The following KCNJ6 variants were observed in gnomAD, a reference collection of about 807,000 sequenced individuals.
The protein encoded by KCNJ6 is G protein-activated inward rectifier potassium channel 2.
KCNJ6 carries 9 observed loss-of-function variants against 34.2 expected under a neutral mutation model. The ratio of observed to expected loss-of-function variants is 0.26; its 90% CI spans 0.16 to 0.46. KCNJ6 has a LOEUF of 0.46. KCNJ6 is among the 20% of genes least tolerant of loss of function. The pLI is 1.00. For synonymous variants in KCNJ6, 196 were observed against 207.1 expected, an observed-to-expected ratio of 0.95 and a Z score of 0.46; for missense variants, 236 against 531.3, an observed-to-expected ratio of 0.44 and a Z score of 5.46.
At chr21:37,627,169 AG>A (rs1310865439) in intron 3 of KCNJ6, among the ~76,000 whole-genome samples, 1 of 152,222 alleles carries the variant, frequency 6.6e-6, no homozygotes, top group Non-Finnish European at 1.5e-5. Flanking sequence ...CTGGGGTGCC[AG>A]GGACCTATGT....
chr21:37,641,138 C>G (rs1325861785), intron 3 of KCNJ6, among the ~76,000 whole-genome samples: 1 of 152,170 alleles, frequency 6.6e-6, no homozygotes, highest in Non-Finnish European at 1.5e-5. Context: ...TTGTAACTGT[C>G]AATACTTGTC....
Position 37,695,232 on chromosome 21 carries a change from G to T in KCNJ6, c.946+18979C>A, listed in dbSNP as rs2123431776. Among the ~76,000 whole-genome samples the T allele has an allele frequency of 6.6e-6, 1 of 152,302 alleles. No individual in the cohort carries two copies. The highest frequency in any genetic ancestry group is 6.5e-5 in the Admixed American group (1 of 15,298). ...CAGGCATTGTTGCAACCACAAGGGA[G>T]ACCTGGCTTGTTACAGAACTTAACA... On this transcript the variant is annotated intron_variant, in intron 3 of 3. Transcript: ENST00000609713. The surrounding 1 kb of genome is among the most constrained non-coding windows in gnomAD (Gnocchi z 4.2).
intron 3 of KCNJ6, among the ~76,000 whole-genome samples, chr21:37,649,993 G>C (rs1389277982): frequency 6.6e-6 from 1 of 150,628 alleles, no homozygotes; most frequent in Non-Finnish European, 1.5e-5. Context: ...TCCATCTCCT[G>C]ACCTTGTGAT....
chr21:37,892,757 A>T (rs952031859), intron 1 of KCNJ6, among the ~76,000 whole-genome samples: 1 of 152,200 alleles, frequency 6.6e-6, no homozygotes, highest in African/African-American at 2.4e-5. Context: ...ATGAGGTAAA[A>T]TCTTTTCACT....
rs200506447 is a variant in KCNJ6, at chr21:37,617,012, C to CTTT, written c.*8144_*8146dup. ...CTTTCTTTCTTTCTCTTTCTTTTCT[C>CTTT]TTTCTTTCTTTCTTTCTTTCTTTCT... On this transcript the variant is annotated 3_prime_UTR_variant, in exon 4 of 4. Coordinates refer to ENST00000609713, the MANE Select transcript of KCNJ6 (RefSeq NM_002240.5). 1.0e-3 allele frequency: 29 copies of CTTT among 28,876 alleles called. No individual in the cohort carries two copies. Among genetic ancestry groups the CTTT allele is most frequent in the African/African-American group, 3.2e-3 (26 of 8,028 alleles). The allele number at this position is 28,876 out of a possible 1,614,324, so 1.8% of individuals were successfully genotyped here.
intron 2 of KCNJ6, among the ~76,000 whole-genome samples, chr21:37,739,293 C>T (rs1268452373): frequency 2.0e-5 from 3 of 152,132 alleles, no homozygotes; most frequent in Non-Finnish European, 4.4e-5. Flanking sequence ...AGGTGGCTGG[C>T]ATTATATTTC....
chr21:37,877,396 TG>T (rs562860186), intron 1 of KCNJ6, among the ~76,000 whole-genome samples: 167 of 152,314 alleles, frequency 1.1e-3, no homozygotes, highest in African/African-American at 3.8e-3. Flanking sequence ...CTAATGATGT[TG>T]AAACAGCTCT....
At chr21:37,914,618 T>C (rs1436216617) in intron 1 of KCNJ6, among the ~76,000 whole-genome samples, 1 of 152,248 alleles carries the variant, frequency 6.6e-6, no homozygotes, top group African/African-American at 2.4e-5. Context: ...CCCTCCCACC[T>C]GGGTCGCCAT....
chr21:37,731,100 A>AGTGTGTGTGTGTGTGTGT (rs113587330), intron 2 of KCNJ6, among the ~76,000 whole-genome samples: 23 of 134,784 alleles, frequency 1.7e-4, no homozygotes, highest in African/African-American at 5.5e-4. Context: ...AGATGAGAGA[A>AGTGTGTGTGTGTGTGTGT]GTGTGTGTGT....
intron 2 of KCNJ6, among the ~76,000 whole-genome samples, chr21:37,776,013 G>T (rs188861703): frequency 1.3e-5 from 2 of 151,666 alleles, no homozygotes; most frequent in Admixed American, 1.3e-4. Context: ...TGTTTGTATC[G>T]TCTTTTATTT....
At chr21:37,691,141 C>T (rs372671349) in intron 3 of KCNJ6, among the ~76,000 whole-genome samples, 10 of 152,320 alleles carry the variant, frequency 6.6e-5, no homozygotes, top group African/African-American at 2.4e-4. Flanking sequence ...GGAATAAGGA[C>T]AGAGACAGAT....
At chr21:37,825,141 C>A (rs1027892787) in intron 2 of KCNJ6, among the ~76,000 whole-genome samples, 6 of 152,170 alleles carry the variant, frequency 3.9e-5, no homozygotes, top group African/African-American at 1.4e-4. Flanking sequence ...ATCCTTACTT[C>A]CATTTGCTGA....
rs562186731 is a variant in KCNJ6 at position 37,712,751 on chromosome 21, C to T, written c.946+1460G>A. Among the ~76,000 whole-genome samples the T allele has an allele frequency of 2.9e-3, 200 of 69,114 alleles. 16 individuals carry two copies. Among genetic ancestry groups the T allele is most frequent in the African/African-American group, 8.9e-3 (186 of 20,914 alleles). The allele number at this position is 69,114 out of a possible 152,430, so 45.3% of individuals were successfully genotyped here. Reference sequence around the variant, plus strand: ...TCCTCCCCTTCTCCTCCTCTCCTTCCTCCCCTTCCTCCTCCCCTGCCTTCC... The same window carrying T: ...TCCTCCCCTTCTCCTCCTCTCCTTCTTCCCCTTCCTCCTCCCCTGCCTTCC... On this transcript the variant is annotated intron_variant, in intron 3 of 3. Coordinates refer to ENST00000609713, the MANE Select transcript of KCNJ6 (RefSeq NM_002240.5).
rs758744637 is a variant in KCNJ6, at chr21:37,881,812, T to C, written c.-28+34072A>G. On this transcript the variant is annotated intron_variant, in intron 1 of 3. Coordinates refer to ENST00000609713, the MANE Select transcript of KCNJ6 (RefSeq NM_002240.5). Reference sequence around the variant, plus strand: ...CACGCTGGGGGTTAGGGCTTCATCATATAAACCTTGTGGGGACATGAACAT... The same window carrying C: ...CACGCTGGGGGTTAGGGCTTCATCACATAAACCTTGTGGGGACATGAACAT... Among the ~76,000 whole-genome samples, 17 of 152,152 alleles carry C rather than the reference T, an allele frequency of 1.1e-4. 1 individual carries two copies. The highest frequency in any genetic ancestry group is 9.2e-4 in the Admixed American group (14 of 15,274).
chr21:37,748,623 A>G (rs2054979336), intron 2 of KCNJ6, among the ~76,000 whole-genome samples: 1 of 152,226 alleles, frequency 6.6e-6, no homozygotes, highest in African/African-American at 2.4e-5. Context: ...AACGCTTCAA[A>G]GCCACAGGTT....
intron 2 of KCNJ6, among the ~76,000 whole-genome samples, chr21:37,741,935 A>T (rs550809922): frequency 6.6e-6 from 1 of 152,374 alleles, no homozygotes; most frequent in South Asian, 2.1e-4. Flanking sequence ...GAGGCTATTT[A>T]TTCACACGTG....
At chr21:37,861,096 A>G (rs1305030002) in intron 1 of KCNJ6, among the ~76,000 whole-genome samples, 2 of 152,242 alleles carry the variant, frequency 1.3e-5, no homozygotes, top group Non-Finnish European at 2.9e-5. Flanking sequence ...GACAGGCAGG[A>G]GGTGAGGACT....
intron 1 of KCNJ6, among the ~76,000 whole-genome samples, chr21:37,871,807 A>T (rs1359417509): frequency 6.6e-6 from 1 of 150,378 alleles, no homozygotes; most frequent in Non-Finnish European, 1.5e-5. Context: ...TTCACAAAGT[A>T]TAACCACCTG....
intron 2 of KCNJ6, among the ~76,000 whole-genome samples, chr21:37,833,348 CCT>C: frequency 6.6e-6 from 1 of 152,114 alleles, no homozygotes; most frequent in Non-Finnish European, 1.5e-5. Flanking sequence ...CAGTTCAGCC[CCT>C]CTGTCTTCTG....
Sources: allele counts gnomAD v4.1 joint callset (sites outside exome capture counted in the v4.1 genomes callset), GRCh38; gene constraint gnomAD v4.1.1; non-coding constraint Gnocchi (gnomAD v3.1); transcripts MANE v1.5; gene names NCBI Gene and HGNC (gene_info 2026-07-23, HGNC 2026-07-21).